EFCAB5: variants seen among roughly 807,000 people sequenced by gnomAD.
EFCAB5 encodes the protein EF-hand calcium-binding domain-containing protein 5.
A neutral mutation model predicts 167.9 loss-of-function variants in EFCAB5; 131 were observed. That is an observed-to-expected ratio of 0.78 (90% CI 0.68 to 0.90). The LOEUF (loss-of-function observed/expected upper bound fraction) is 0.90. Ranked by LOEUF, EFCAB5 falls within the 40% of genes least tolerant of loss-of-function variation. The probability of loss-of-function intolerance (pLI) is 0.00; values close to 1 mark genes in which losing one functional copy is unlikely to be tolerated. For missense variants in EFCAB5, 1,663 were observed against 1,745.2 expected (o/e 0.95, Z 0.84); for synonymous variants, 574 against 602.8 (o/e 0.95, Z 0.70).
intron 16 of EFCAB5, 82 bp from the exon 17 acceptor site, chr17:30,080,671 G>C: frequency 9.6e-7 from 1 of 1,039,732 alleles, no homozygotes; most frequent in East Asian, 2.6e-5. Context: ...ATTGTGAATA[G>C]AGAATCGCTC....
At position 30,091,934 on chromosome 17, in the gene EFCAB5, A is replaced by G. The variant is rs1463808728; in HGVS notation, c.4001A>G (p.Glu1334Gly). Residue 1334 changes from glutamate (E) to glycine (G), a missense_variant, in exon 21 of 23, where the codon GAG becomes GGG. Transcript: ENST00000394835. Reference protein sequence around the residue: ...GILFFRIMLLELQESIQLLNS... With the variant: ...GILFFRIMLLGLQESIQLLNS... ...CTCTTCTTCCGAATCATGCTGCTCGAGCTACAGGAAAGCATCCAACTACTC... is the reference window on the plus strand; with the variant it reads ...CTCTTCTTCCGAATCATGCTGCTCGGGCTACAGGAAAGCATCCAACTACTC... 7.4e-6 allele frequency: 12 copies of G among 1,613,910 alleles called. No homozygotes were observed. Among genetic ancestry groups the G allele is most frequent in the Non-Finnish European group, 1.0e-5 (12 of 1,179,902 alleles).
chr17:30,011,464 GC>G (rs1428888578), intron 7 of EFCAB5, among the ~76,000 whole-genome samples: 1 of 151,988 alleles, frequency 6.6e-6, no homozygotes, highest in Non-Finnish European at 1.5e-5. Context: ...ATTTGTTTGT[GC>G]CCTCTTTTAT....
chr17:29,997,966 A>G, intron 6 of EFCAB5, among the ~76,000 whole-genome samples: 1 of 151,740 alleles, frequency 6.6e-6, no homozygotes, highest in East Asian at 1.9e-4. Context: ...CTTGTCCCAT[A>G]GGAACTAGAG....
At chr17:29,958,935 C>T (rs972485574) in intron 3 of EFCAB5, among the ~76,000 whole-genome samples, 3 of 152,146 alleles carry the variant, frequency 2.0e-5, no homozygotes, top group African/African-American at 4.8e-5. Context: ...GGAGAATTCC[C>T]GGGATTACCA....
In EFCAB5 at chr17:29,967,307, A is replaced by G. The variant is rs575292458; in HGVS notation, c.191-1484A>G. ...AGTGGGGGAAGGACAAGATGTGCAG[A>G]CAGTGAAGCTGTCAATAGGTCATTT... On this transcript the variant is annotated intron_variant, in intron 3 of 22. Transcript: ENST00000394835. Among the ~76,000 whole-genome samples the G allele has an allele frequency of 7.1e-4, 108 of 152,330 alleles. 1 individual carries two copies. The highest frequency in any genetic ancestry group is 2.2e-3 in the African/African-American group (93 of 41,570).
intron 4 of EFCAB5, chr17:29,972,441 T>C (rs2067976888): frequency 2.0e-5 from 3 of 152,204 alleles, no homozygotes; most frequent in African/African-American, 7.2e-5. Context: ...GTAGTCATTG[T>C]TTCTAGGCCC....
intron 4 of EFCAB5, among the ~76,000 whole-genome samples, chr17:29,981,129 AT>A (rs1396097729): frequency 5.9e-5 from 9 of 152,230 alleles, no homozygotes; most frequent in Admixed American, 2.6e-4. Flanking sequence ...AACTAAAGTG[AT>A]TTTTTTAAAG....
intron 14 of EFCAB5, chr17:30,068,609 G>A (rs1389890021): frequency 6.9e-7 from 1 of 1,447,890 alleles, no homozygotes; most frequent in South Asian, 1.4e-5. Flanking sequence ...TCCCTTGTGG[G>A]GCTGCCTGTG....
intron 7 of EFCAB5, among the ~76,000 whole-genome samples, chr17:30,016,138 T>C (rs2069035842): frequency 6.6e-6 from 1 of 152,220 alleles, no homozygotes; most frequent in African/African-American, 2.4e-5. Context: ...AAATATGTGA[T>C]TTGCAAGTAT....
At chr17:30,018,193 GT>G (rs141002214) in intron 7 of EFCAB5, among the ~76,000 whole-genome samples, 82 of 142,394 alleles carry the variant, frequency 5.8e-4, no homozygotes, top group Admixed American at 7.7e-4. Context: ...TGATGTCAGT[GT>G]TTTTTTTTTT....
intron 4 of EFCAB5, among the ~76,000 whole-genome samples, chr17:29,980,164 C>T (rs867795469): frequency 4.6e-5 from 7 of 152,112 alleles, no homozygotes; most frequent in Middle Eastern, 3.2e-3. Context: ...AGTGAAACTC[C>T]GTCTCAAAAA....
At chr17:30,089,649 G>A (rs538641511) in intron 19 of EFCAB5, among the ~76,000 whole-genome samples, 2 of 152,172 alleles carry the variant, frequency 1.3e-5, no homozygotes, top group South Asian at 2.1e-4. Context: ...CTGTAGGCAC[G>A]GCCTGGCTCA....
intron 13 of EFCAB5, among the ~76,000 whole-genome samples, chr17:30,058,173 G>A (rs2070327809): frequency 6.6e-6 from 1 of 152,080 alleles, no homozygotes. Context: ...AGCAGATATG[G>A]ATATATGCAA....
chr17:30,100,906 C>A (rs1326684696), intron 22 of EFCAB5, among the ~76,000 whole-genome samples: 1 of 152,174 alleles, frequency 6.6e-6, no homozygotes, highest in Non-Finnish European at 1.5e-5. Context: ...GCAGAGAAAA[C>A]AGCCAAAGCA....
At position 30,059,661 on chromosome 17, in the gene EFCAB5, C is replaced by G; in HGVS notation, c.2697C>G (p.Tyr899Ter). 6.2e-7 allele frequency: 1 copy of G among 1,608,390 alleles called. No individual in the cohort carries two copies. Among genetic ancestry groups the G allele is most frequent in the Non-Finnish European group, 8.5e-7 (1 of 1,176,280 alleles). ...TGAAGGAAGTTGATGAACTCTTGTA[C>G]ACATACAAGGAGGGAATGGAAAAAG... The part of the protein sequence containing the change: ...LDLKEVDELL[Y>*]TYKEGMEKES... Residue 899 changes from tyrosine (Y) to a stop codon, truncating the protein, a stop_gained, in exon 14 of 23, where the codon TAC becomes TAG. Transcript: ENST00000394835. LOFTEE classifies it high-confidence loss of function.
chr17:30,106,145 C>G (rs1489408688), intron 22 of EFCAB5, among the ~76,000 whole-genome samples: 3 of 151,736 alleles, frequency 2.0e-5, no homozygotes, highest in African/African-American at 7.3e-5. Context: ...AAAAAAAAAG[C>G]CAGGTGCAGT....
At chr17:29,977,005 T>C (rs1336388685) in intron 4 of EFCAB5, among the ~76,000 whole-genome samples, 2 of 152,332 alleles carry the variant, frequency 1.3e-5, no homozygotes, top group East Asian at 3.9e-4. Flanking sequence ...AAGACATAGA[T>C]ATAGAATTAA....
intron 3 of EFCAB5, among the ~76,000 whole-genome samples, chr17:29,967,476 A>G (rs757239412): frequency 1.1e-4 from 17 of 152,214 alleles, no homozygotes; most frequent in Non-Finnish European, 2.1e-4. Flanking sequence ...CCTATGACCC[A>G]TATCTACATC....
chr17:30,027,293 CTTTTTTTT>C (rs906468665), intron 7 of EFCAB5, among the ~76,000 whole-genome samples: 10 of 67,366 alleles, frequency 1.5e-4, no homozygotes, highest in East Asian at 8.4e-4. Context: ...CCACACCAGT[CTTTTTTTT>C]TTTTTTTTTT....
Sources: allele counts gnomAD v4.1 joint callset (sites outside exome capture counted in the v4.1 genomes callset), GRCh38; gene constraint gnomAD v4.1.1; transcripts MANE v1.5; gene names NCBI Gene and HGNC (gene_info 2026-07-23, HGNC 2026-07-21).